Variants in MEGF10 observed in about 807,000 individuals in gnomAD.
The protein encoded by MEGF10 is multiple EGF like domains 10.
MEGF10 carries 86 observed loss-of-function variants against 147.5 expected under a neutral mutation model. The observed-to-expected ratio is 0.58, with a 90% CI of 0.49 to 0.70. The LOEUF is 0.70. Among genes scored for constraint, MEGF10 ranks in the 30% least tolerant of loss-of-function variants. The probability of loss-of-function intolerance (pLI) is 0.00; values close to 1 mark genes in which losing one functional copy is unlikely to be tolerated. For missense variants in MEGF10, 1,329 were observed against 1,487.3 expected, an observed-to-expected ratio of 0.89 and a Z score of 1.75; for synonymous variants, 478 against 525.5, an observed-to-expected ratio of 0.91 and a Z score of 1.24.
At chr5:127,363,346 G>C (rs1762543454) in intron 4 of MEGF10, among the ~76,000 whole-genome samples, 1 of 152,162 alleles carries the variant, frequency 6.6e-6, no homozygotes, top group African/African-American at 2.4e-5. Context: ...GTCTGGAAGT[G>C]GGTGGTTTAT....
chr5:127,290,018 C>A (rs1759167700), upstream of MEGF10, among the ~76,000 whole-genome samples: 1 of 152,166 alleles, frequency 6.6e-6, no homozygotes, highest in Non-Finnish European at 1.5e-5. Context: ...TTCCAGAATT[C>A]ATGTCCTGTC....
Position 127,303,335 on chromosome 5 carries a change from C to CAAAAAAAAAAAAAAAAAA in MEGF10, c.-19+12282_-19+12299dup, listed in dbSNP as rs1174955274. 1.4e-4 allele frequency among the ~76,000 whole-genome samples: 7 copies of CAAAAAAAAAAAAAAAAAA among 50,630 alleles called. 3 individuals carry two copies. The highest frequency in any genetic ancestry group is 1.9e-4 in the Non-Finnish European group (4 of 21,224). The allele number at this position is 50,630 out of a possible 152,430, so 33.2% of individuals were successfully genotyped here. On this transcript the variant is annotated intron_variant, in intron 1 of 24. Transcript: ENST00000503335. ...TGGACAACAGATCGAGACTCCATGTCAAAAAAAAAAAAAAAAAAAAGCAAT... is the reference window on the plus strand; with the variant it reads ...TGGACAACAGATCGAGACTCCATGTCAAAAAAAAAAAAAAAAAAAAAAAAAAAAAAAAAAAAAAGCAAT...
rs761416158 is a variant in MEGF10 at position 127,433,452 on chromosome 5, C to G, written c.1783C>G (p.Pro595Ala). The G allele has an allele frequency of 4.3e-6, 7 of 1,613,854 alleles. No individual in the cohort carries two copies. Among genetic ancestry groups the G allele is most frequent in the African/African-American group, 4.0e-5 (3 of 74,920 alleles). ...CYCKNGASCS[P>A]DDGICECAPG... The stretch of plus-strand genomic sequence containing the variant: ...CTGTAAAAATGGGGCTTCATGCTCC[C>G]CTGATGATGGCATCTGCGAGTGTGC... The change falls in exon 14 of 25, where the codon CCT becomes GCT. Residue 595 changes from proline to alanine, a missense_variant. Pro to Ala is a conservative substitution (Grantham distance 27). Around this residue, in one of 3 missense-constraint regions of MEGF10, gnomAD observed 980 missense variants for 1,085.9 expected, o/e 0.90. Coordinates refer to ENST00000503335, the MANE Select transcript of MEGF10 (RefSeq NM_001256545.2).
intron 1 of MEGF10, among the ~76,000 whole-genome samples, chr5:127,298,525 G>T (rs1441384851): frequency 6.6e-6 from 1 of 152,168 alleles, no homozygotes; most frequent in Non-Finnish European, 1.5e-5. Context: ...GCAGATACTG[G>T]CTCCTCCCTA....
rs758223605 is a variant in MEGF10 at position 127,457,491 on chromosome 5, G to C, written c.*173G>C. 7.6e-6 allele frequency: 5 copies of C among 654,338 alleles called. No homozygotes were observed. The East Asian group carries it at 1.4e-4, about 18-fold the overall frequency. The allele number at this position is 654,338 out of a possible 1,614,324, so 40.5% of individuals were successfully genotyped here. ...CTGACACGGACTGTAGGTGCTTTTT[G>C]TTCAGGTGGATTCGAAGGAGTTAGA... On this transcript the variant is annotated 3_prime_UTR_variant, in exon 25 of 25. Transcript: ENST00000503335.
intron 1 of MEGF10, among the ~76,000 whole-genome samples, chr5:127,319,912 T>C (rs78834003): frequency 0.019 from 2,889 of 152,326 alleles, 74 homozygotes; most frequent in East Asian, 0.11. Context: ...GAATTTTGGC[T>C]TAATAGTGGC....
At chr5:127,332,856 A>G (rs969780497) in intron 2 of MEGF10, among the ~76,000 whole-genome samples, 13 of 152,134 alleles carry the variant, frequency 8.5e-5, no homozygotes, top group Non-Finnish European at 1.8e-4. Flanking sequence ...GGAAGAGACC[A>G]TTGGTAGTTG....
intron 4 of MEGF10, among the ~76,000 whole-genome samples, chr5:127,342,094 T>G (rs1445427235): frequency 6.6e-6 from 1 of 152,230 alleles, no homozygotes; most frequent in Non-Finnish European, 1.5e-5. Flanking sequence ...AATTTGCATT[T>G]CTTTGATTAA....
the MEGF10 span, among the ~76,000 whole-genome samples, chr5:127,255,832 C>T: frequency 1.3e-5 from 2 of 151,188 alleles, no homozygotes. Context: ...GGAACACAAC[C>T]TCCTTTTTTG....
chr5:127,394,013 G>A (rs974810918), intron 5 of MEGF10, among the ~76,000 whole-genome samples: 1 of 152,026 alleles, frequency 6.6e-6, no homozygotes, highest in African/African-American at 2.4e-5. Flanking sequence ...AAGTGTATGT[G>A]CTTGGGGCCA....
chr5:127,304,696 T>C (rs890245128), intron 1 of MEGF10, among the ~76,000 whole-genome samples: 3 of 152,202 alleles, frequency 2.0e-5, no homozygotes, highest in East Asian at 3.9e-4. Flanking sequence ...GGTTTTGCCA[T>C]GTTGGCCTGG....
chr5:127,345,338 A>G (rs1472992490), intron 4 of MEGF10, among the ~76,000 whole-genome samples: 1 of 152,240 alleles, frequency 6.6e-6, no homozygotes, highest in South Asian at 2.1e-4. Context: ...AAAGGTATGC[A>G]TTTCTACTGA....
the MEGF10 span, among the ~76,000 whole-genome samples, chr5:127,232,096 C>T: frequency 1.3e-5 from 2 of 152,220 alleles, no homozygotes; most frequent in Non-Finnish European, 2.9e-5. Flanking sequence ...ACAGTTCCTT[C>T]ACCTCAGCAT....
chr5:127,363,385 A>G (rs1460356057), intron 4 of MEGF10, among the ~76,000 whole-genome samples: 2 of 152,194 alleles, frequency 1.3e-5, no homozygotes, highest in Non-Finnish European at 2.9e-5. Flanking sequence ...CAAAGAATTC[A>G]GAGTGAAGGG....
At chr5:127,370,191 A>C (rs1457656793) in intron 5 of MEGF10, among the ~76,000 whole-genome samples, 189 bp downstream of exon 5, 1 of 152,228 alleles carries the variant, frequency 6.6e-6, no homozygotes, top group Non-Finnish European at 1.5e-5. Context: ...TCGTTAATTA[A>C]GTATAAAGAA....
At chr5:127,281,972 T>G in the MEGF10 span, among the ~76,000 whole-genome samples, 1 of 152,234 alleles carries the variant, frequency 6.6e-6, no homozygotes, top group Non-Finnish European at 1.5e-5. Flanking sequence ...AACTCAGGCA[T>G]TTTTGCCTCA....
At chr5:127,453,879 C>T (rs1766254200) in intron 22 of MEGF10, among the ~76,000 whole-genome samples, 1 of 152,160 alleles carries the variant, frequency 6.6e-6, no homozygotes, top group Admixed American at 6.5e-5. Context: ...TAAGTGGTTG[C>T]ACGTTCTCTT....
At chr5:127,453,056 A>G (rs566090791) in intron 22 of MEGF10, among the ~76,000 whole-genome samples, 1 of 152,298 alleles carries the variant, frequency 6.6e-6, no homozygotes, top group South Asian at 2.1e-4. Context: ...AGTGATCCCC[A>G]TGGGACACCA....
chr5:127,387,457 A>G (rs1329688462), intron 5 of MEGF10, among the ~76,000 whole-genome samples: 1 of 152,204 alleles, frequency 6.6e-6, no homozygotes, highest in African/African-American at 2.4e-5. Flanking sequence ...TTTTAAGCAA[A>G]CAACTATTAT....
Sources: gnomAD v4.1 joint callset for allele counts (sites outside exome capture counted in the v4.1 genomes callset) on GRCh38, gnomAD v4.1.1 for gene constraint, gnomAD v4.1.1 regional missense constraint, MANE v1.5 for transcripts, NCBI Gene and HGNC (gene_info 2026-07-23, HGNC 2026-07-21) for gene names.